The following JARID2 variants were observed in gnomAD, a reference collection of about 807,000 sequenced individuals.
JARID2 encodes the protein protein Jumonji.
Under a neutral mutation model 125.6 loss-of-function variants are expected in JARID2, and 21 were observed. The ratio of observed to expected loss-of-function variants is 0.17; its 90% confidence interval spans 0.12 to 0.24. The LOEUF is 0.24. Ranked by LOEUF, JARID2 falls within the 10% of genes least tolerant of loss-of-function variation. JARID2 has a pLI of 1.00. For missense variants in JARID2, 1,303 were observed against 1,639.6 expected (o/e 0.79, Z 3.55); for synonymous variants, 736 against 661.6 (o/e 1.11, Z -1.73).
chr6:15,338,847 TAAG>T (rs1199376889), intron 1 of JARID2, among the ~76,000 whole-genome samples: 2 of 152,202 alleles, frequency 1.3e-5, no homozygotes, highest in African/African-American at 4.8e-5. Context: ...TAAAGCAAAT[TAAG>T]GAGGATCTTG....
intron 4 of JARID2, among the ~76,000 whole-genome samples, chr6:15,466,096 G>T (rs565013253): frequency 3.9e-5 from 6 of 152,260 alleles, no homozygotes; most frequent in Admixed American, 3.9e-4. Flanking sequence ...GAGCCACCAC[G>T]CCCAGCCTTA....
chr6:15,454,792 A>G (rs1581587464), intron 4 of JARID2, among the ~76,000 whole-genome samples: 1 of 152,024 alleles, frequency 6.6e-6, no homozygotes. Context: ...GTTTTTACAT[A>G]GATTTTGGCT....
intron 1 of JARID2, among the ~76,000 whole-genome samples, chr6:15,270,097 G>C (rs567869291): frequency 6.6e-6 from 1 of 152,082 alleles, no homozygotes; most frequent in Non-Finnish European, 1.5e-5. Context: ...CCTCAGGGTC[G>C]ATCCTTCCTT....
chr6:15,421,091 C>G (rs957216918), intron 3 of JARID2, among the ~76,000 whole-genome samples: 16 of 152,028 alleles, frequency 1.1e-4, no homozygotes, highest in Non-Finnish European at 2.1e-4. Flanking sequence ...CCTTGGCCTC[C>G]CCTTGTGTTT....
chr6:15,440,587 C>A (rs1405360762), intron 3 of JARID2, among the ~76,000 whole-genome samples: 1 of 152,232 alleles, frequency 6.6e-6, no homozygotes, highest in Non-Finnish European at 1.5e-5. Context: ...GATTTGCTCA[C>A]CTTGCCCTGT....
intron 2 of JARID2, among the ~76,000 whole-genome samples, chr6:15,388,596 T>C (rs1764878947): frequency 6.7e-6 from 1 of 148,270 alleles, no homozygotes; most frequent in African/African-American, 2.5e-5. Flanking sequence ...AAAATATATA[T>C]ATATAATTTT....
chr6:15,472,126 G>T (rs546499535), intron 5 of JARID2, among the ~76,000 whole-genome samples: 1 of 151,572 alleles, frequency 6.6e-6, no homozygotes, highest in East Asian at 1.9e-4. Context: ...TCGGTGAGGG[G>T]CTGGTAGGAT....
chr6:15,382,305 A>T (rs2127529446), intron 2 of JARID2, among the ~76,000 whole-genome samples: 1 of 152,330 alleles, frequency 6.6e-6, no homozygotes, highest in East Asian at 1.9e-4. Context: ...GGGTGAGTGC[A>T]GGAGGCTAGC....
chr6:15,374,737 C>T (rs982931752), intron 2 of JARID2, among the ~76,000 whole-genome samples: 2 of 152,178 alleles, frequency 1.3e-5, no homozygotes, highest in African/African-American at 4.8e-5. Context: ...GTGCTTCTTC[C>T]TGGATGATTA....
chr6:15,255,874 C>T (rs1043087212), intron 1 of JARID2, among the ~76,000 whole-genome samples: 15 of 152,122 alleles, frequency 9.9e-5, no homozygotes, highest in Admixed American at 9.2e-4. Flanking sequence ...AATGAAATGC[C>T]TCAGATTTGG....
At chr6:15,471,780 A>G (rs1384414086) in intron 5 of JARID2, among the ~76,000 whole-genome samples, 1 of 152,176 alleles carries the variant, frequency 6.6e-6, no homozygotes, top group African/African-American at 2.4e-5. Context: ...TACATGGAGC[A>G]TATGAAAGAA....
intron 1 of JARID2, among the ~76,000 whole-genome samples, chr6:15,309,435 A>G (rs1166228044): frequency 2.0e-5 from 3 of 151,986 alleles, no homozygotes; most frequent in Non-Finnish European, 4.4e-5. Flanking sequence ...TGTAGTAAGT[A>G]TTTTACTGTG....
chr6:15,507,352 A>G lies in JARID2; in HGVS notation c.2667A>G (p.Gly889=), dbSNP rs756275935. ...VGKSEPFSRH[G]WNLTVLPNNT... The stretch of plus-strand genomic sequence containing the variant: ...CTCGTCTTCCCCTTTGCAGGCATGG[A>G]TGGAACCTCACCGTCCTCCCCAATA... Residue 889 remains glycine (G), a synonymous_variant, in exon 11 of 18, where the codon GGA becomes GGG. Transcript: ENST00000341776. The G allele has an allele frequency of 2.0e-5, 32 of 1,613,836 alleles. No individual in the cohort carries two copies. The highest frequency in any genetic ancestry group is 2.0e-5 in the Non-Finnish European group (24 of 1,179,940).
At position 15,413,011 on chromosome 6, in the gene JARID2, TTTTTTTTTTTTG is replaced by T. The variant is rs1282263388; in HGVS notation, c.323+2658_323+2669del. Among the ~76,000 whole-genome samples the T allele has an allele frequency of 2.2e-3, 190 of 86,562 alleles. 3 individuals are homozygous for T. Among genetic ancestry groups the T allele is most frequent in the Non-Finnish European group, 2.9e-3 (112 of 38,666 alleles). 56.8% of individuals were successfully genotyped at this position (86,562 alleles called of 152,430 possible). A position where few individuals can be genotyped will look rare whatever the true frequency, so the allele number is the denominator to read the frequency against. On this transcript the variant is annotated intron_variant, in intron 3 of 17. Transcript: ENST00000341776. Reference sequence around the variant, plus strand: ...CATGGGAAGAGCTTGTGTTTTTGTTTTTTTTTTTTTTGTTTTTTTTTTTTTGAGACTGAGTTT... The same window carrying T: ...CATGGGAAGAGCTTGTGTTTTTGTTTTTTTTTTTTTTTTGAGACTGAGTTT...
intron 2 of JARID2, among the ~76,000 whole-genome samples, chr6:15,390,397 G>A (rs1191332442): frequency 6.6e-6 from 1 of 152,136 alleles, no homozygotes; most frequent in African/African-American, 2.4e-5. Flanking sequence ...GTCAAGCAGG[G>A]ACGTCCTTCT....
Position 15,343,849 on chromosome 6 carries a change from A to G in JARID2, c.46-30268A>G, listed in dbSNP as rs55844991. The stretch of plus-strand genomic sequence containing the variant: ...AAAAAACAAAGCAGTTGTTTTGAGA[A>G]TAACTTCGGTGCCCTGGACTTACAT... On this transcript the variant is annotated intron_variant, in intron 1 of 17. Coordinates refer to ENST00000341776, the MANE Select transcript of JARID2 (RefSeq NM_004973.4). Among the ~76,000 whole-genome samples, 1,389 of 152,318 alleles carry G rather than the reference A, an allele frequency of 9.1e-3. 11 individuals are homozygous for G. The highest frequency in any genetic ancestry group is 0.024 in the Middle Eastern group (7 of 294).
chr6:15,496,088 C>A, intron 6 of JARID2, 44 bp from the exon 7 acceptor site: 1 of 1,529,546 alleles, frequency 6.5e-7, no homozygotes, highest in East Asian at 2.3e-5. Context: ...GTGGCAGGTA[C>A]TAATTCTGCG....
chr6:15,422,545 C>G (rs1406885200), intron 3 of JARID2, among the ~76,000 whole-genome samples: 3 of 152,176 alleles, frequency 2.0e-5, no homozygotes, highest in Non-Finnish European at 4.4e-5. Flanking sequence ...ACATGCTGCT[C>G]ATCGACATTC....
chr6:15,261,190 T>C (rs1581336482), intron 1 of JARID2, among the ~76,000 whole-genome samples: 1 of 152,292 alleles, frequency 6.6e-6, no homozygotes, highest in East Asian at 1.9e-4. Flanking sequence ...CCTTTGTACA[T>C]GGAGGTCATC....
Sources: gnomAD v4.1 joint callset for allele counts (sites outside exome capture counted in the v4.1 genomes callset) on GRCh38, gnomAD v4.1.1 for gene constraint, MANE v1.5 for transcripts, NCBI Gene and HGNC (gene_info 2026-07-23, HGNC 2026-07-21) for gene names.